The following SLC25A13 variants were observed in gnomAD, a reference collection of about 807,000 sequenced individuals.
The protein encoded by SLC25A13 is solute carrier family 25 member 13, also known as electrogenic aspartate/glutamate antiporter SLC25A13, mitochondrial.
Under a neutral mutation model 85.5 loss-of-function variants are expected in SLC25A13, and 70 were observed. The observed-to-expected ratio is 0.82, with a 90% CI of 0.68 to 1.00. SLC25A13 has a LOEUF of 1.00. Among genes scored for constraint, SLC25A13 ranks in the 50% least tolerant of loss-of-function variants. The pLI, the probability that SLC25A13 is intolerant of heterozygous loss-of-function variation, is 0.00. For synonymous variants in SLC25A13, 259 were observed against 288.7 expected (o/e 0.90, Z 1.04); for missense variants, 765 against 819.8 (o/e 0.93, Z 0.82).
intron 4 of SLC25A13, among the ~76,000 whole-genome samples, chr7:96,229,683 G>A (rs1321282124): frequency 2.6e-5 from 4 of 151,514 alleles, no homozygotes; most frequent in Non-Finnish European, 5.9e-5. Flanking sequence ...TGGACGGGAG[G>A]AATGAACAAC....
Position 96,228,275 on chromosome 7 carries a change from T to C in SLC25A13, c.328+6527A>G, listed in dbSNP as rs535815760. On this transcript the variant is annotated intron_variant, in intron 4 of 17. Transcript: ENST00000265631. ...TCCTCAAGACTCAAATGAGTTACAG[T>C]GCAAGTCACAGAGTAAAGAATCTGT... 2.0e-5 allele frequency among the ~76,000 whole-genome samples: 3 copies of C among 152,282 alleles called. No individual in the cohort carries two copies. The East Asian group carries it at 5.8e-4, about 29-fold the overall frequency.
chr7:96,189,190 G>T (rs1287730802), intron 9 of SLC25A13, 104 bp downstream of exon 9: 1 of 941,510 alleles, frequency 1.1e-6, no homozygotes, highest in Admixed American at 2.0e-5. Flanking sequence ...ACAGAAAAAT[G>T]GTTAAGTCAG....
At chr7:96,259,601 G>A (rs1797768598) in intron 3 of SLC25A13, among the ~76,000 whole-genome samples, 1 of 152,170 alleles carries the variant, frequency 6.6e-6, no homozygotes, top group Non-Finnish European at 1.5e-5. Context: ...CTTTTACATT[G>A]CTGGTGGGAG....
At position 96,193,046 on chromosome 7, in the gene SLC25A13, A is replaced by G. The variant is rs957746607; in HGVS notation, c.606T>C (p.Cys202=). The change falls in exon 6 of 18, where the codon TGT becomes TGC. Residue 202 remains cysteine (C), a synonymous_variant. Transcript: ENST00000265631. ...PHVLTPFVEE[C]LVAAAGGTTS... is the part of the protein sequence containing the mutation. ...GCAAGTTACAACTTACAGCTACTAG[A>G]CATTCTTCTACAAAAGGAGTCAAGA... The G allele has an allele frequency of 9.9e-6, 16 of 1,613,992 alleles. No homozygotes were observed. The highest frequency in any genetic ancestry group is 1.4e-5 in the Non-Finnish European group (16 of 1,180,002).
At chr7:96,301,503 G>T (rs1336029130) in intron 1 of SLC25A13, among the ~76,000 whole-genome samples, 2 of 150,230 alleles carry the variant, frequency 1.3e-5, no homozygotes, top group Non-Finnish European at 3.0e-5. Context: ...AATTCACTAA[G>T]AAGAAAGGGG....
At position 96,296,938 on chromosome 7, in the gene SLC25A13, T is replaced by C. The variant is rs766641322; in HGVS notation, c.29A>G (p.Lys10Arg). Residue 10 changes from lysine to arginine, a missense_variant, in exon 2 of 18, where the codon AAG becomes AGG. Physicochemically the swap from Lys to Arg is conservative, Grantham distance 26. Coordinates refer to ENST00000265631, the MANE Select transcript of SLC25A13 (RefSeq NM_014251.3). MAAAKVALT[K>R]RADPAELRTI... ...TCTAAGCTCAGCTGGATCTGCTCTC[T>C]TGGTTAAAGCCACCTATAAATAAAC... 3.9e-5 allele frequency: 63 copies of C among 1,613,440 alleles called. No individual in the cohort carries two copies. Among genetic ancestry groups the C allele is most frequent in the Non-Finnish European group, 5.2e-5 (61 of 1,179,532 alleles).
intron 3 of SLC25A13, among the ~76,000 whole-genome samples, chr7:96,263,778 T>C (rs140473763): frequency 5.2e-4 from 79 of 152,284 alleles, no homozygotes; most frequent in African/African-American, 9.9e-4. Flanking sequence ...TCTCCTCCGA[T>C]GGCCTTTCTT....
intron 2 of SLC25A13, among the ~76,000 whole-genome samples, chr7:96,278,848 C>T (rs1042127589): frequency 3.9e-5 from 6 of 151,958 alleles, no homozygotes; most frequent in African/African-American, 1.5e-4. Flanking sequence ...CTAACTGAGC[C>T]AAAACAAGAT....
At chr7:96,258,466 T>C (rs1458702283) in intron 3 of SLC25A13, among the ~76,000 whole-genome samples, 1 of 152,044 alleles carries the variant, frequency 6.6e-6, no homozygotes, top group Non-Finnish European at 1.5e-5. Flanking sequence ...CATTCACAAT[T>C]GCTACAAAAA....
At chr7:96,198,500 G>C (rs1042389758) in intron 5 of SLC25A13, among the ~76,000 whole-genome samples, 1 of 152,280 alleles carries the variant, frequency 6.6e-6, no homozygotes, top group East Asian at 1.9e-4. Flanking sequence ...TTCAAAGACA[G>C]CATTTCACTT....
intron 2 of SLC25A13, chr7:96,283,618 A>T (rs1246253324): frequency 3.3e-6 from 1 of 306,846 alleles, no homozygotes; most frequent in Non-Finnish European, 6.4e-6. Context: ...TTGCTAAGAG[A>T]ATCAATGTGT....
intron 5 of SLC25A13, among the ~76,000 whole-genome samples, chr7:96,203,756 C>T (rs1371261473): frequency 1.3e-5 from 2 of 152,080 alleles, no homozygotes; most frequent in African/African-American, 4.8e-5. Flanking sequence ...GATTATAAAA[C>T]AGTATCAAAC....
intron 1 of SLC25A13, among the ~76,000 whole-genome samples, chr7:96,302,342 T>C (rs1227666977): frequency 1.3e-5 from 2 of 152,170 alleles, no homozygotes; most frequent in Admixed American, 1.3e-4. Flanking sequence ...AGAAAATTCC[T>C]ACCTGTAGGA....
chr7:96,128,939 GCTCTCTCTCT>G (rs58984088), intron 15 of SLC25A13, among the ~76,000 whole-genome samples: 135 of 81,902 alleles, frequency 1.6e-3, no homozygotes, highest in Middle Eastern at 9.6e-3. Context: ...TGCCTTGCTT[GCTCTCTCTCT>G]CTCTCTCTCT....
intron 1 of SLC25A13, 46 bp downstream of exon 1, chr7:96,321,896 G>A (rs1482729093): frequency 6.6e-7 from 1 of 1,522,188 alleles, no homozygotes; most frequent in African/African-American, 1.4e-5. Context: ...GCACCCCCAG[G>A]CTGATCCGGC....
At chr7:96,209,041 T>C in intron 4 of SLC25A13, 64 bp from the exon 5 acceptor site, 1 of 1,512,830 alleles carries the variant, frequency 6.6e-7, no homozygotes, top group African/African-American at 1.4e-5. Flanking sequence ...ATAAAATCTG[T>C]TATTGAATGG....
chr7:96,137,050 C>G (rs57530463), intron 14 of SLC25A13, among the ~76,000 whole-genome samples: 1,741 of 152,282 alleles, frequency 0.011, 35 homozygotes, highest in African/African-American at 0.04. Context: ...CATGTCATGA[C>G]TTGATCCCTT....
Position 96,120,710 on chromosome 7 carries a change from G to A in SLC25A13, c.*481C>T, listed in dbSNP as rs182837763. ...CAGAATTTGTGCATGCTTACAATTT[G>A]AAGCCAGGCTGAATATATTTGATAT... On this transcript the variant is annotated 3_prime_UTR_variant, in exon 18 of 18. Coordinates refer to ENST00000265631, the MANE Select transcript of SLC25A13 (RefSeq NM_014251.3). The A allele has an allele frequency of 1.5e-4, 70 of 454,456 alleles. No homozygotes were observed. The Middle Eastern group carries it at 2.8e-3, about 18-fold the overall frequency. The allele number at this position is 454,456 out of a possible 1,614,324, so 28.2% of individuals were successfully genotyped here. A position where few individuals can be genotyped will look rare whatever the true frequency, so the allele number is the denominator to read the frequency against.
At position 96,277,344 on chromosome 7, in the gene SLC25A13, T is replaced by TA. The variant is rs751240780; in HGVS notation, c.70-7dup. On this transcript the variant is annotated splice_polypyrimidine_tract_variant and splice_region_variant and intron_variant, in intron 2 of 17. Transcript: ENST00000265631. The stretch of plus-strand genomic sequence containing the variant: ...TTTTTCTCAATGCTTGCATACTGTT[T>TA]AAAAAAAAGAAAAACAGTATTTTAT... 1.3e-5 allele frequency: 21 copies of TA among 1,607,548 alleles called. No homozygotes were observed. Among genetic ancestry groups the TA allele is most frequent in the East Asian group, 2.2e-5 (1 of 44,640 alleles).
Sources: gnomAD v4.1 joint callset for allele counts (sites outside exome capture counted in the v4.1 genomes callset) on GRCh38, gnomAD v4.1.1 for gene constraint, MANE v1.5 for transcripts, NCBI Gene and HGNC (gene_info 2026-07-23, HGNC 2026-07-21) for gene names.